The following BRD10 variants were observed in gnomAD, a reference collection of about 807,000 sequenced individuals.
The protein encoded by BRD10 is bromodomain containing 10.
At chr9:5,895,718 T>C in the BRD10 span, among the ~76,000 whole-genome samples, 2 of 152,218 alleles carry the variant, frequency 1.3e-5, no homozygotes, top group African/African-American at 4.8e-5. Flanking sequence ...TGGAGTCCTA[T>C]GATCTGCACC....
At chr9:5,887,535 T>C in the BRD10 span, among the ~76,000 whole-genome samples, 1 of 152,186 alleles carries the variant, frequency 6.6e-6, no homozygotes, top group South Asian at 2.1e-4. Context: ...CAGTCATATA[T>C]GGGCCAGGCT....
chr9:5,886,497 C>A, the BRD10 span, among the ~76,000 whole-genome samples: 2 of 152,338 alleles, frequency 1.3e-5, no homozygotes, highest in South Asian at 4.1e-4. Context: ...TGCTATTATC[C>A]CTTTCATTTC....
chr9:5,880,068 C>T, the BRD10 span, among the ~76,000 whole-genome samples: 11 of 151,712 alleles, frequency 7.3e-5, no homozygotes, highest in Non-Finnish European at 1.5e-5. Flanking sequence ...TACAGGCACA[C>T]AGCACCATGC....
chr9:6,005,236 C>A, the BRD10 span, among the ~76,000 whole-genome samples: 4 of 152,100 alleles, frequency 2.6e-5, no homozygotes, highest in Non-Finnish European at 5.9e-5. Context: ...ATAGGCCGGG[C>A]GCGGTGGCTA....
chr9:5,927,479 T>C, the BRD10 span, among the ~76,000 whole-genome samples: 1 of 152,150 alleles, frequency 6.6e-6, no homozygotes. Flanking sequence ...TACTGCTCCA[T>C]TTCTCTATTC....
At chr9:5,880,559 A>C in the BRD10 span, among the ~76,000 whole-genome samples, 1 of 152,028 alleles carries the variant, frequency 6.6e-6, no homozygotes, top group Non-Finnish European at 1.5e-5. Flanking sequence ...AAAAACACTG[A>C]AGTTCTTTAG....
At chr9:5,995,392 A>G in the BRD10 span, among the ~76,000 whole-genome samples, 1 of 152,318 alleles carries the variant, frequency 6.6e-6, no homozygotes, top group East Asian at 1.9e-4. Flanking sequence ...CCAATCCTCT[A>G]ATGAAAAATG....
chr9:5,931,429 A>G, the BRD10 span, among the ~76,000 whole-genome samples: 3 of 152,238 alleles, frequency 2.0e-5, no homozygotes, highest in East Asian at 3.8e-4. Context: ...GTTTATTACT[A>G]ATCTTAGAAA....
the BRD10 span, among the ~76,000 whole-genome samples, chr9:5,941,524 TGAG>T: frequency 1.3e-5 from 2 of 152,196 alleles, no homozygotes; most frequent in Admixed American, 6.5e-5. Context: ...TAAACGATGA[TGAG>T]GACTTTTTTG....
At chr9:5,912,455 G>C in the BRD10 span, among the ~76,000 whole-genome samples, 1 of 152,162 alleles carries the variant, frequency 6.6e-6, no homozygotes, top group Admixed American at 6.6e-5. Context: ...GGGTTGGGGT[G>C]GGGGGTTGGG....
the BRD10 span, among the ~76,000 whole-genome samples, chr9:5,976,076 A>C: frequency 1.3e-5 from 2 of 152,224 alleles, no homozygotes; most frequent in African/African-American, 4.8e-5. Flanking sequence ...TTACCAGAAG[A>C]AATAGCTAAA....
the BRD10 span, among the ~76,000 whole-genome samples, chr9:5,987,993 A>C: frequency 6.6e-6 from 1 of 152,190 alleles, no homozygotes; most frequent in African/African-American, 2.4e-5. Context: ...CTTGAACTAC[A>C]TAATCTCTGG....
At chr9:5,882,882 C>T in the BRD10 span, among the ~76,000 whole-genome samples, 1 of 152,200 alleles carries the variant, frequency 6.6e-6, no homozygotes, top group Non-Finnish European at 1.5e-5. Flanking sequence ...AGCTGGAAAC[C>T]ATCATTCTCA....
chr9:6,000,034 T>C, the BRD10 span, among the ~76,000 whole-genome samples: 75 of 152,302 alleles, frequency 4.9e-4, no homozygotes, highest in African/African-American at 1.7e-3. Context: ...ACATTTTTAA[T>C]ATAAAAGTAA....
chr9:5,880,121 A>G, the BRD10 span, among the ~76,000 whole-genome samples: 1 of 149,978 alleles, frequency 6.7e-6, no homozygotes, highest in Non-Finnish European at 1.5e-5. Flanking sequence ...GGGTTTCACC[A>G]TGTTGGCCAG....
chr9:5,933,523 C>A, the BRD10 span, among the ~76,000 whole-genome samples: 1 of 152,184 alleles, frequency 6.6e-6, no homozygotes, highest in Non-Finnish European at 1.5e-5. Flanking sequence ...CTACCAAACA[C>A]TGGAGGTTTT....
chr9:5,945,015 A>C, the BRD10 span: 9 of 807,542 alleles, frequency 1.1e-5, no homozygotes, highest in Non-Finnish European at 1.7e-5. Flanking sequence ...AACACCCAAA[A>C]TGTGGTAACA....
chr9:5,985,272 T>G, the BRD10 span, among the ~76,000 whole-genome samples: 2 of 152,204 alleles, frequency 1.3e-5, no homozygotes, highest in East Asian at 1.9e-4. Flanking sequence ...AGAATAAACA[T>G]AACCAGAAAA....
chr9:6,004,431 A>G, the BRD10 span, among the ~76,000 whole-genome samples: 2 of 152,202 alleles, frequency 1.3e-5, no homozygotes, highest in Non-Finnish European at 2.9e-5. Context: ...CTGAGATTCA[A>G]GTTATATGCT....
Sources: allele counts gnomAD v4.1 joint callset (sites outside exome capture counted in the v4.1 genomes callset), GRCh38; gene constraint gnomAD v4.1.1; transcripts MANE v1.5; gene names NCBI Gene and HGNC (gene_info 2026-07-23, HGNC 2026-07-21).